Variants in PIK3AP1 observed in about 807,000 individuals in gnomAD.
PIK3AP1 encodes the protein phosphoinositide-3-kinase adaptor protein 1.
PIK3AP1 carries 21 observed loss-of-function variants against 88.1 expected under a neutral mutation model. The ratio of observed to expected loss-of-function variants is 0.24; its 90% confidence interval spans 0.17 to 0.34. The LOEUF is 0.34. PIK3AP1 is among the 10% of genes least tolerant of loss of function. The probability of loss-of-function intolerance (pLI) is 1.00; values close to 1 mark genes in which losing one functional copy is unlikely to be tolerated. For synonymous variants in PIK3AP1, 398 were observed against 400.0 expected (o/e 1.00, Z 0.06); for missense variants, 828 against 1,035.7 (o/e 0.80, Z 2.75).
At chr10:96,622,930 T>TA (rs1298297211) in intron 11 of PIK3AP1, among the ~76,000 whole-genome samples, 1 of 152,252 alleles carries the variant, frequency 6.6e-6, no homozygotes, top group East Asian at 1.9e-4. Context: ...CTAGTATAGA[T>TA]AAGGTAAGTA....
rs559935807 is a variant in PIK3AP1 at position 96,610,121 on chromosome 10, G to A, written c.2015-254C>T. Among the ~76,000 whole-genome samples, 139 of 152,294 alleles carry A rather than the reference G, an allele frequency of 9.1e-4. 7 individuals carry two copies. The South Asian group carries it at 0.029, about 32-fold the overall frequency. ...AATAGAATAATGTGAGAAAGGGACAGAGAAGCGCTTCTGCATCAGGGAGTG... is the reference window on the plus strand; with the variant it reads ...AATAGAATAATGTGAGAAAGGGACAAAGAAGCGCTTCTGCATCAGGGAGTG... On this transcript the variant is annotated intron_variant, in intron 13 of 16. Coordinates refer to ENST00000339364, the MANE Select transcript of PIK3AP1 (RefSeq NM_152309.3).
intron 8 of PIK3AP1, among the ~76,000 whole-genome samples, chr10:96,633,562 AT>A (rs1843274504): frequency 6.6e-6 from 1 of 152,190 alleles, no homozygotes; most frequent in Admixed American, 6.5e-5. Flanking sequence ...GCTAGCTACT[AT>A]TATTACTATT....
At chr10:96,717,294 C>A (rs1241663264) in intron 1 of PIK3AP1, among the ~76,000 whole-genome samples, 1 of 149,516 alleles carries the variant, frequency 6.7e-6, no homozygotes, top group Non-Finnish European at 1.5e-5. Context: ...GAGAGAAGTA[C>A]AGACAGGAAG....
chr10:96,676,235 G>A (rs1353757489), intron 2 of PIK3AP1, among the ~76,000 whole-genome samples: 1 of 151,758 alleles, frequency 6.6e-6, no homozygotes, highest in African/African-American at 2.4e-5. Flanking sequence ...TGAGAGACAA[G>A]ACTCTGCTAT....
chr10:96,688,008 G>A (rs917621552), intron 2 of PIK3AP1, among the ~76,000 whole-genome samples: 1 of 152,216 alleles, frequency 6.6e-6, no homozygotes, highest in African/African-American at 2.4e-5. Context: ...GAGGCATGAA[G>A]GGGTGGGGGA....
chr10:96,691,245 G>T (rs796502508), intron 2 of PIK3AP1, among the ~76,000 whole-genome samples: 1 of 152,014 alleles, frequency 6.6e-6, no homozygotes, highest in East Asian at 1.9e-4. Flanking sequence ...CCCACCTCCC[G>T]CAAACAGCAA....
At chr10:96,656,199 A>G (rs1421045857) in intron 3 of PIK3AP1, among the ~76,000 whole-genome samples, 1 of 152,258 alleles carries the variant, frequency 6.6e-6, no homozygotes, top group African/African-American at 2.4e-5. Flanking sequence ...AAGAAAAACC[A>G]TCAGTACTAA....
At chr10:96,644,583 C>T (rs1843434646) in intron 8 of PIK3AP1, among the ~76,000 whole-genome samples, 1 of 152,066 alleles carries the variant, frequency 6.6e-6, no homozygotes, top group Non-Finnish European at 1.5e-5. Context: ...TGTCAAAAGG[C>T]ATTACTTTTG....
At chr10:96,632,747 A>G (rs1843260940) in intron 8 of PIK3AP1, 1 of 1,043,402 alleles carries the variant, frequency 9.6e-7, no homozygotes, top group Non-Finnish European at 1.4e-6. Flanking sequence ...AGTGTCTCAC[A>G]GGATGATTAG....
chr10:96,608,208 TC>T (rs1849035653), intron 14 of PIK3AP1, among the ~76,000 whole-genome samples: 1 of 152,162 alleles, frequency 6.6e-6, no homozygotes, highest in African/African-American at 2.4e-5. Context: ...TCACTCTCCT[TC>T]CCCACCCTGG....
chr10:96,699,559 T>C (rs1366077187), intron 2 of PIK3AP1, among the ~76,000 whole-genome samples: 2 of 152,252 alleles, frequency 1.3e-5, no homozygotes, highest in Non-Finnish European at 2.9e-5. Flanking sequence ...GCGCTGGTTT[T>C]GAATGTAGAC....
chr10:96,707,520 C>G (rs1468912841), intron 2 of PIK3AP1, among the ~76,000 whole-genome samples: 2 of 152,152 alleles, frequency 1.3e-5, no homozygotes, highest in Admixed American at 6.5e-5. Flanking sequence ...GTCTCTAACT[C>G]CTGACCTCAT....
chr10:96,603,167 A>AT (rs2134182128), intron 15 of PIK3AP1, among the ~76,000 whole-genome samples: 1 of 152,046 alleles, frequency 6.6e-6, no homozygotes, highest in East Asian at 1.9e-4. Context: ...TTTTCTATTT[A>AT]TTGAGGTGAA....
chr10:96,598,627 G>A (rs113951411), intron 16 of PIK3AP1, among the ~76,000 whole-genome samples: 30 of 152,296 alleles, frequency 2.0e-4, no homozygotes, highest in African/African-American at 6.7e-4. Flanking sequence ...TCTACACAAG[G>A]GTCGCAACAC....
At chr10:96,713,657 A>G (rs933593109) in intron 1 of PIK3AP1, among the ~76,000 whole-genome samples, 10 of 152,142 alleles carry the variant, frequency 6.6e-5, no homozygotes, top group African/African-American at 2.4e-4. Flanking sequence ...TAGAAAAGCA[A>G]CAGCTTTACA....
intron 2 of PIK3AP1, among the ~76,000 whole-genome samples, chr10:96,703,835 G>C (rs970274134): frequency 6.6e-6 from 1 of 152,148 alleles, no homozygotes; most frequent in African/African-American, 2.4e-5. Context: ...AGTGCTGGAG[G>C]CTGAAAGAAA....
intron 1 of PIK3AP1, among the ~76,000 whole-genome samples, chr10:96,715,901 A>G (rs1296759726): frequency 6.6e-6 from 1 of 152,002 alleles, no homozygotes; most frequent in Non-Finnish European, 1.5e-5. Flanking sequence ...AAGAAAAAAA[A>G]AAAAAAGTAC....
rs766807797 is a variant in PIK3AP1 at position 96,656,851 on chromosome 10, C to A, written c.514G>T (p.Val172Leu). 5 of 1,613,998 alleles carry A rather than the reference C, an allele frequency of 3.1e-6. No homozygotes were observed. The African/African-American group carries it at 6.7e-5, about 22-fold the overall frequency. Residue 172 changes from valine (V) to leucine (L), a missense_variant, in exon 3 of 17, where the codon GTG (valine) becomes TTG (leucine). By Grantham distance (32) the Val-to-Leu change is conservative. Transcript: ENST00000339364. ...ACCATCAGGTTCCCAGGTGAAGTCA[C>A]CGTCGGCAGGTTCTGCTGCTTCGAG... ...SYSKQQNLPT[V>L]TSPGNLMVVQ...
chr10:96,648,333 A>G (rs1259392331), intron 7 of PIK3AP1, among the ~76,000 whole-genome samples: 4 of 152,234 alleles, frequency 2.6e-5, no homozygotes, highest in Non-Finnish European at 5.9e-5. Context: ...GGTGAACCTC[A>G]GTGCTTAATA....
Sources: allele counts gnomAD v4.1 joint callset (sites outside exome capture counted in the v4.1 genomes callset), GRCh38; gene constraint gnomAD v4.1.1; transcripts MANE v1.5; gene names NCBI Gene and HGNC (gene_info 2026-07-23, HGNC 2026-07-21).